THSD7B: variants seen among roughly 807,000 people sequenced by gnomAD.
THSD7B encodes thrombospondin type 1 domain containing 7B, also known as thrombospondin type-1 domain-containing protein 7B.
In THSD7B, 138 loss-of-function variants were observed where a neutral mutation model predicts 213.6. The observed-to-expected ratio is 0.65, with a 90% confidence interval of 0.56 to 0.74. The LOEUF (loss-of-function observed/expected upper bound fraction) is 0.74. THSD7B is among the 30% of genes least tolerant of loss of function. THSD7B has a pLI of 0.00. For synonymous variants in THSD7B, 742 were observed against 687.0 expected (o/e 1.08, Z -1.25); for missense variants, 1,931 against 1,991.5 (o/e 0.97, Z 0.58).
chr2:137,322,446 T>C (rs1198224475), intron 12 of THSD7B, among the ~76,000 whole-genome samples: 1 of 152,192 alleles, frequency 6.6e-6, no homozygotes, highest in Admixed American at 6.5e-5. Flanking sequence ...TCTAAATCTT[T>C]ACATGGGTTG....
At chr2:137,669,385 CTGT>C (rs1163524974) in intron 27 of THSD7B, among the ~76,000 whole-genome samples, 1 of 139,658 alleles carries the variant, frequency 7.2e-6, no homozygotes, top group Non-Finnish European at 1.5e-5. Flanking sequence ...TAACATTTCC[CTGT>C]TGTTGTAGTG....
intron 20 of THSD7B, among the ~76,000 whole-genome samples, chr2:137,635,806 G>A (rs1387551423): frequency 1.3e-5 from 2 of 151,710 alleles, no homozygotes; most frequent in African/African-American, 4.8e-5. Flanking sequence ...CCAGGTTCAA[G>A]TGATCTTCCT....
chr2:137,676,520 G>T lies in THSD7B; in HGVS notation c.4740-4G>T. ...TGATCTGAGGAATTTTTTTCCCTTT[G>T]CAGCAAGAAGCCAAAACCACATCAA... On this transcript the variant is annotated splice_region_variant and splice_polypyrimidine_tract_variant and intron_variant, in intron 27 of 27. Transcript: ENST00000409968. 2 of 1,585,402 alleles carry T rather than the reference G, an allele frequency of 1.3e-6. No individual in the cohort carries two copies. Among genetic ancestry groups the T allele is most frequent in the Non-Finnish European group, 1.7e-6 (2 of 1,167,352 alleles).
At chr2:137,147,232 T>C (rs1479644810) in intron 5 of THSD7B, among the ~76,000 whole-genome samples, 4 of 152,138 alleles carry the variant, frequency 2.6e-5, no homozygotes, top group Admixed American at 6.6e-5. Flanking sequence ...GAAGATGCTT[T>C]TGTTCGGTTT....
At position 137,319,868 on chromosome 2, in the gene THSD7B, G is replaced by A. The variant is rs888026784; in HGVS notation, c.2500+43842G>A. Among the ~76,000 whole-genome samples, 2 of 152,102 alleles carry A rather than the reference G, an allele frequency of 1.3e-5. 1 individual carries two copies. Among genetic ancestry groups the A allele is most frequent in the South Asian group, 4.1e-4 (2 of 4,822 alleles). ...AATGAGTTATAAGCATAGAATATTG[G>A]GTAGAGCTTCTGGGAAATACCTTTA... On this transcript the variant is annotated intron_variant, in intron 12 of 27. Transcript: ENST00000409968.
intron 5 of THSD7B, among the ~76,000 whole-genome samples, chr2:137,120,558 C>A (rs1688528172): frequency 6.6e-6 from 1 of 151,816 alleles, no homozygotes; most frequent in African/African-American, 2.4e-5. Flanking sequence ...GAGGAAGAAA[C>A]TTATTAAGTC....
rs1005324771 is a variant in THSD7B, at chr2:137,364,383, A to C, written c.2501-41230A>C. Among the ~76,000 whole-genome samples, 62 of 152,338 alleles carry C rather than the reference A, an allele frequency of 4.1e-4. 1 individual carries two copies. The highest frequency in any genetic ancestry group is 1.2e-3 in the African/African-American group (48 of 41,584). ...CACTCCTGTTCAACATAGTGTTGGA[A>C]GTTCTGGCCAGGGCAATCAGGCAAG... On this transcript the variant is annotated intron_variant, in intron 12 of 27. Coordinates refer to ENST00000409968, the MANE Select transcript of THSD7B (RefSeq NM_001316349.2).
chr2:137,405,727 G>A lies in THSD7B; in HGVS notation c.2615G>A (p.Cys872Tyr). The change falls in exon 13 of 28, where the codon TGC becomes TAC. Residue 872 changes from cysteine (C) to tyrosine (Y), a missense_variant. Transcript: ENST00000409968. ...QECTVPCRED[C>Y]TFTAWSKFTP... is the part of the protein sequence containing the mutation. Reference sequence around the variant, plus strand: ...TGCACAGTCCCATGTCGAGAAGACTGCACCTTCACTGCTTGGTCCAAGTTT... The same window carrying A: ...TGCACAGTCCCATGTCGAGAAGACTACACCTTCACTGCTTGGTCCAAGTTT... The A allele has an allele frequency of 1.2e-6, 2 of 1,613,730 alleles. No individual in the cohort carries two copies. The highest frequency in any genetic ancestry group is 1.7e-6 in the Non-Finnish European group (2 of 1,179,828).
At chr2:136,796,855 A>G (rs1682074827) in intron 1 of THSD7B, among the ~76,000 whole-genome samples, 1 of 151,936 alleles carries the variant, frequency 6.6e-6, no homozygotes, top group African/African-American at 2.4e-5. Context: ...ATTTAAAATT[A>G]TAAACATAAC....
At chr2:137,340,979 TTG>T (rs1322485855) in intron 12 of THSD7B, among the ~76,000 whole-genome samples, 13 of 106,710 alleles carry the variant, frequency 1.2e-4, no homozygotes, top group Middle Eastern at 7.0e-3. Flanking sequence ...AATTCTCTTT[TTG>T]TTTTTTTTTT....
At chr2:137,627,889 T>C (rs1573752427) in intron 20 of THSD7B, among the ~76,000 whole-genome samples, 1 of 152,348 alleles carries the variant, frequency 6.6e-6, no homozygotes, top group South Asian at 2.1e-4. Flanking sequence ...AGTTTGTCAA[T>C]TGTTTTAAGA....
At chr2:136,996,198 C>A (rs1338421740) in intron 2 of THSD7B, among the ~76,000 whole-genome samples, 1 of 152,200 alleles carries the variant, frequency 6.6e-6, no homozygotes, top group Non-Finnish European at 1.5e-5. Context: ...GTGCACTAAG[C>A]TAGCAGACTG....
chr2:136,922,687 AATAAT>A (rs1684455396), intron 2 of THSD7B, among the ~76,000 whole-genome samples: 1 of 152,310 alleles, frequency 6.6e-6, no homozygotes, highest in African/African-American at 2.4e-5. Flanking sequence ...ACCTAGACAG[AATAAT>A]ATATTTCTCT....
At chr2:137,051,418 A>C (rs986012909) in intron 2 of THSD7B, among the ~76,000 whole-genome samples, 13 of 152,316 alleles carry the variant, frequency 8.5e-5, no homozygotes, top group East Asian at 3.9e-4. Flanking sequence ...AATGTCTGCT[A>C]TATAAGAGAG....
intron 9 of THSD7B, among the ~76,000 whole-genome samples, chr2:137,238,530 C>CTT (rs1573905313): frequency 6.4e-5 from 4 of 62,782 alleles, no homozygotes; most frequent in Admixed American, 2.0e-4. Flanking sequence ...TGACACTCAT[C>CTT]TTTCTTTTTT....
chr2:137,226,052 AT>A lies in THSD7B; in HGVS notation c.1724-4989del, dbSNP rs779568635. On this transcript the variant is annotated intron_variant, in intron 7 of 27. Coordinates refer to ENST00000409968, the MANE Select transcript of THSD7B (RefSeq NM_001316349.2). ...ATTAAAAGCATATGAGTTCCACTAA[AT>A]TTGCTACTTACTCTGTTGATATCTT... Among the ~76,000 whole-genome samples, 114 of 151,898 alleles carry A rather than the reference AT, an allele frequency of 7.5e-4. 2 individuals are homozygous for A. Among genetic ancestry groups the A allele is most frequent in the Admixed American group, 2.6e-3 (40 of 15,232 alleles).
At chr2:137,463,060 G>A (rs2105082257) in intron 15 of THSD7B, among the ~76,000 whole-genome samples, 1 of 152,240 alleles carries the variant, frequency 6.6e-6, no homozygotes, top group Middle Eastern at 3.4e-3. Context: ...CCATGGGGAA[G>A]GGGGCACAGT....
chr2:137,126,717 G>A (rs55809102), intron 5 of THSD7B, among the ~76,000 whole-genome samples: 8,973 of 152,156 alleles, frequency 0.059, 359 homozygotes, highest in Middle Eastern at 0.092. Flanking sequence ...TGACACAGAG[G>A]CCTTGCTTTC....
At chr2:137,443,187 G>A (rs1045298624) in intron 14 of THSD7B, among the ~76,000 whole-genome samples, 3 of 152,130 alleles carry the variant, frequency 2.0e-5, no homozygotes, top group African/African-American at 7.2e-5. Context: ...GGGAGTTAAT[G>A]TTGCAAGCTC....
Sources: gnomAD v4.1 joint callset for allele counts (sites outside exome capture counted in the v4.1 genomes callset) on GRCh38, gnomAD v4.1.1 for gene constraint, MANE v1.5 for transcripts, NCBI Gene and HGNC (gene_info 2026-07-23, HGNC 2026-07-21) for gene names.